The following ATF7IP2 variants were observed in gnomAD, a reference collection of about 807,000 sequenced individuals.
ATF7IP2 encodes activating transcription factor 7 interacting protein 2.
Under a neutral mutation model 64.2 loss-of-function variants are expected in ATF7IP2, and 42 were observed. The ratio of observed to expected loss-of-function variants is 0.65; its 90% CI spans 0.51 to 0.85. The LOEUF (loss-of-function observed/expected upper bound fraction) is 0.85. ATF7IP2 is among the 40% of genes least tolerant of loss of function. ATF7IP2 has a pLI of 0.00. For missense variants in ATF7IP2, 933 were observed against 784.2 expected, an observed-to-expected ratio of 1.19 and a Z score of -2.27; for synonymous variants, 308 against 272.8, an observed-to-expected ratio of 1.13 and a Z score of -1.27.
At chr16:10,420,929 C>T (rs970202772) in intron 3 of ATF7IP2, among the ~76,000 whole-genome samples, 4 of 152,200 alleles carry the variant, frequency 2.6e-5, no homozygotes, top group African/African-American at 7.2e-5. Context: ...ACATTTTCAG[C>T]ACCTTCAGTT....
chr16:10,458,542 C>G (rs969033132), intron 9 of ATF7IP2, among the ~76,000 whole-genome samples: 1 of 152,226 alleles, frequency 6.6e-6, no homozygotes, highest in African/African-American at 2.4e-5. Context: ...TAAGGCAGCA[C>G]TCTCAGCCCA....
chr16:10,414,049 C>T (rs560578956), intron 1 of ATF7IP2, among the ~76,000 whole-genome samples: 104 of 152,278 alleles, frequency 6.8e-4, no homozygotes, highest in African/African-American at 2.3e-3. Flanking sequence ...TAATCTGATG[C>T]CAGTGTGCCT....
At chr16:10,464,326 A>C (rs1341860393) in intron 9 of ATF7IP2, among the ~76,000 whole-genome samples, 1 of 152,202 alleles carries the variant, frequency 6.6e-6, no homozygotes, top group African/African-American at 2.4e-5. Flanking sequence ...CCCTGTTGTT[A>C]TCCTGGCTCT....
At chr16:10,390,090 G>T (rs1383538706) in intron 1 of ATF7IP2, among the ~76,000 whole-genome samples, 1 of 152,024 alleles carries the variant, frequency 6.6e-6, no homozygotes, top group African/African-American at 2.4e-5. Context: ...TAAAAATTCA[G>T]TTCAGTAGTT....
At chr16:10,418,847 A>G (rs546779823) in intron 2 of ATF7IP2, among the ~76,000 whole-genome samples, 1 of 152,312 alleles carries the variant, frequency 6.6e-6, no homozygotes, top group South Asian at 2.1e-4. Flanking sequence ...TTGAGGTGCC[A>G]CTATACTGCC....
intron 3 of ATF7IP2, among the ~76,000 whole-genome samples, chr16:10,422,814 A>T (rs2048012190): frequency 6.6e-6 from 1 of 152,034 alleles, no homozygotes; most frequent in Admixed American, 6.5e-5. Context: ...CCCCATTTCC[A>T]CATATGGCAC....
intron 4 of ATF7IP2, among the ~76,000 whole-genome samples, chr16:10,430,047 T>C (rs1022805881): frequency 1.3e-5 from 2 of 151,328 alleles, no homozygotes; most frequent in Non-Finnish European, 2.9e-5. Flanking sequence ...AGAGACAGGG[T>C]TTCACCACGT....
chr16:10,442,164 A>T (rs777638811), intron 8 of ATF7IP2, among the ~76,000 whole-genome samples: 2 of 152,192 alleles, frequency 1.3e-5, no homozygotes, highest in South Asian at 4.1e-4. Flanking sequence ...GTCAGCTACA[A>T]CCATGGTAGA....
At chr16:10,477,705 A>G (rs2050063322) in intron 12 of ATF7IP2, among the ~76,000 whole-genome samples, 1 of 151,838 alleles carries the variant, frequency 6.6e-6, no homozygotes, top group African/African-American at 2.4e-5. Flanking sequence ...GAGGAAGTCA[A>G]ATTGTCCCTG....
chr16:10,460,776 C>G (rs1165866965), intron 9 of ATF7IP2, among the ~76,000 whole-genome samples: 5 of 152,006 alleles, frequency 3.3e-5, no homozygotes, highest in African/African-American at 4.8e-5. Flanking sequence ...TCTTCATGAA[C>G]TTGGATAGGG....
At chr16:10,449,964 A>C (rs1344691281) in intron 8 of ATF7IP2, among the ~76,000 whole-genome samples, 4 of 152,184 alleles carry the variant, frequency 2.6e-5, no homozygotes, top group Non-Finnish European at 5.9e-5. Flanking sequence ...TTAGTGCTAT[A>C]AATTTCCCTC....
chr16:10,480,131 G>T (rs1239276606), intron 12 of ATF7IP2, among the ~76,000 whole-genome samples: 1 of 151,556 alleles, frequency 6.6e-6, no homozygotes, highest in African/African-American at 2.4e-5. Flanking sequence ...GGGACTACAG[G>T]CACGCGCCAC....
chr16:10,462,107 ATTC>A (rs2049392766), intron 9 of ATF7IP2, among the ~76,000 whole-genome samples: 1 of 152,192 alleles, frequency 6.6e-6, no homozygotes, highest in Admixed American at 6.5e-5. Flanking sequence ...AATGATATGT[ATTC>A]TTTACTCGGA....
intron 9 of ATF7IP2, among the ~76,000 whole-genome samples, chr16:10,462,268 C>T (rs890282498): frequency 1.3e-5 from 2 of 151,956 alleles, no homozygotes; most frequent in African/African-American, 2.4e-5. Context: ...TTTTTTATTT[C>T]GAGTTACCCA....
At chr16:10,413,636 T>C (rs1372464486) in intron 1 of ATF7IP2, among the ~76,000 whole-genome samples, 1 of 152,182 alleles carries the variant, frequency 6.6e-6, no homozygotes, top group African/African-American at 2.4e-5. Context: ...TCCTATGAGA[T>C]TTATGCTTTA....
At chr16:10,420,075 C>A (rs954458548) in intron 3 of ATF7IP2, among the ~76,000 whole-genome samples, 1 of 152,172 alleles carries the variant, frequency 6.6e-6, no homozygotes, top group Non-Finnish European at 1.5e-5. Context: ...GGGAGAGATT[C>A]ATTCATTCCA....
At chr16:10,453,467 G>C (rs1407252158) in intron 8 of ATF7IP2, among the ~76,000 whole-genome samples, 1 of 152,180 alleles carries the variant, frequency 6.6e-6, no homozygotes, top group African/African-American at 2.4e-5. Context: ...TAGAAATGCA[G>C]AAATCACCTG....
rs772038491 is a variant in ATF7IP2, at chr16:10,431,120, G to C, written c.500G>C (p.Ser167Thr). The change falls in exon 5 of 14, where the codon AGT (serine) becomes ACT (threonine). Residue 167 changes from serine to threonine, a missense_variant. Transcript: ENST00000562102. ...EHEGACSLKSSCCPPSVLSGV... is the reference protein window; with the variant it reads ...EHEGACSLKSTCCPPSVLSGV... ...GAGGGGGCTTGTAGTCTAAAGTCCA[G>C]TTGCTGTCCACCCAGTGTATTGAGT... 5 of 1,614,054 alleles carry C rather than the reference G, an allele frequency of 3.1e-6. No individual in the cohort carries two copies. Among genetic ancestry groups the C allele is most frequent in the Non-Finnish European group, 4.2e-6 (5 of 1,180,026 alleles).
chr16:10,445,177 A>G (rs6498002), intron 8 of ATF7IP2: 118,449 of 152,214 alleles, frequency 0.78, 46,127 homozygotes, highest in East Asian at 0.87. Context: ...GGGGTCCCCA[A>G]TGGGTTCCTT....
Sources: gnomAD v4.1 joint callset for allele counts (sites outside exome capture counted in the v4.1 genomes callset) on GRCh38, gnomAD v4.1.1 for gene constraint, MANE v1.5 for transcripts, NCBI Gene and HGNC (gene_info 2026-07-23, HGNC 2026-07-21) for gene names.